Variants in SNTG1 observed in about 807,000 individuals in gnomAD.
SNTG1 encodes syntrophin gamma 1, also known as gamma-1-syntrophin.
Under a neutral mutation model 74.7 loss-of-function variants are expected in SNTG1, and 39 were observed. The observed-to-expected ratio is 0.52, with a 90% CI of 0.40 to 0.68. SNTG1 has a LOEUF of 0.68. SNTG1 is among the 30% of genes least tolerant of loss of function. SNTG1 has a pLI of 0.00. For synonymous variants in SNTG1, 254 were observed against 217.1 expected (o/e 1.17, Z -1.49); for missense variants, 685 against 609.5 (o/e 1.12, Z -1.30).
At chr8:50,302,693 T>C (rs1047891078) in intron 2 of SNTG1, among the ~76,000 whole-genome samples, 1 of 152,152 alleles carries the variant, frequency 6.6e-6, no homozygotes, top group African/African-American at 2.4e-5. Context: ...GCCTCCATTT[T>C]CTCTCTGTCT....
At chr8:50,131,794 C>T (rs751988369) in intron 1 of SNTG1, among the ~76,000 whole-genome samples, 13 of 152,096 alleles carry the variant, frequency 8.5e-5, no homozygotes, top group Admixed American at 2.6e-4. Flanking sequence ...TACCAATTTA[C>T]GTTTCCCACC....
chr8:50,570,952 T>C (rs1420031156), intron 12 of SNTG1, among the ~76,000 whole-genome samples: 1 of 152,014 alleles, frequency 6.6e-6, no homozygotes, highest in Non-Finnish European at 1.5e-5. Flanking sequence ...TCCATAGTAG[T>C]TGCACGAATT....
chr8:50,438,510 A>G (rs2093327595), intron 4 of SNTG1, 33 bp from the exon 5 acceptor site: 1 of 1,596,082 alleles, frequency 6.3e-7, no homozygotes, highest in African/African-American at 1.3e-5. Flanking sequence ...GTATTAGGAA[A>G]CACTAACCAT....
rs575624485 is a variant in SNTG1, at chr8:50,348,015, C to G, written c.-27-46197C>G. ...TTTTTACATACTGTAAGGTTGAGATCTATAGCCAATGTTTCTTTAATGATG... is the reference window on the plus strand; with the variant it reads ...TTTTTACATACTGTAAGGTTGAGATGTATAGCCAATGTTTCTTTAATGATG... On this transcript the variant is annotated intron_variant, in intron 2 of 18. Coordinates refer to ENST00000642720, the MANE Select transcript of SNTG1 (RefSeq NM_018967.5). 3.1e-4 allele frequency among the ~76,000 whole-genome samples: 47 copies of G among 152,182 alleles called. No individual in the cohort carries two copies. In the South Asian group the frequency reaches 9.3e-3, roughly 30 times the overall value.
intron 8 of SNTG1, among the ~76,000 whole-genome samples, chr8:50,471,440 G>A (rs1205295889): frequency 6.6e-6 from 1 of 151,966 alleles, no homozygotes; most frequent in Non-Finnish European, 1.5e-5. Flanking sequence ...TATTAGAATG[G>A]CTACAATTCA....
At chr8:50,576,112 T>C (rs2094575377) in intron 12 of SNTG1, among the ~76,000 whole-genome samples, 1 of 152,338 alleles carries the variant, frequency 6.6e-6, no homozygotes, top group South Asian at 2.1e-4. Flanking sequence ...CAAAAATGTT[T>C]TACAGCTTTA....
intron 1 of SNTG1, among the ~76,000 whole-genome samples, chr8:50,067,827 C>G (rs534188253): frequency 6.6e-6 from 1 of 152,236 alleles, no homozygotes; most frequent in Admixed American, 6.5e-5. Flanking sequence ...CACACAGACC[C>G]CTGTGTCTGC....
chr8:50,483,631 A>G (rs2093758737), intron 8 of SNTG1, among the ~76,000 whole-genome samples: 1 of 152,216 alleles, frequency 6.6e-6, no homozygotes. Flanking sequence ...TGACTCATGC[A>G]GTGGACGGAA....
intron 8 of SNTG1, among the ~76,000 whole-genome samples, chr8:50,468,477 T>C (rs1438638703): frequency 1.3e-5 from 2 of 152,154 alleles, no homozygotes; most frequent in African/African-American, 2.4e-5. Context: ...CCTTCATTAA[T>C]GTTAGCAAAG....
At chr8:50,759,147 G>T (rs377704387) in intron 18 of SNTG1, among the ~76,000 whole-genome samples, 1 of 151,922 alleles carries the variant, frequency 6.6e-6, no homozygotes, top group Non-Finnish European at 1.5e-5. Context: ...GCCAATTTTT[G>T]ATGGGGTTGT....
chr8:50,087,934 C>A lies in SNTG1; in HGVS notation c.-102-84627C>A, dbSNP rs1212821195. Among the ~76,000 whole-genome samples the A allele has an allele frequency of 1.4e-4, 15 of 110,008 alleles. No individual in the cohort carries two copies. The Admixed American group carries it at 1.6e-3, about 11-fold the overall frequency. 72.2% of individuals were successfully genotyped at this position (110,008 alleles called of 152,430 possible). The stretch of plus-strand genomic sequence containing the variant: ...CTCCCAATGTTATCCCTCCCCCCTC[C>A]CCCCACCCCACCACAGTCCCCAGAG... On this transcript the variant is annotated intron_variant, in intron 1 of 18. Transcript: ENST00000642720.
intron 2 of SNTG1, among the ~76,000 whole-genome samples, chr8:50,361,101 T>C (rs1446503525): frequency 6.6e-6 from 1 of 152,244 alleles, no homozygotes; most frequent in Non-Finnish European, 1.5e-5. Flanking sequence ...ATCCTTGTTC[T>C]ATAAGCTTTT....
intron 2 of SNTG1, among the ~76,000 whole-genome samples, chr8:50,222,680 T>C (rs1035541022): frequency 6.6e-6 from 1 of 152,114 alleles, no homozygotes; most frequent in African/African-American, 2.4e-5. Context: ...ATTGCCAAGG[T>C]AGTGACCAGC....
chr8:50,175,959 A>T (rs1319619103), intron 2 of SNTG1, among the ~76,000 whole-genome samples: 3 of 152,096 alleles, frequency 2.0e-5, no homozygotes, highest in Non-Finnish European at 4.4e-5. Flanking sequence ...AGCATGAGGA[A>T]CCCTGAGAGC....
At chr8:50,313,756 T>C (rs1264682424) in intron 2 of SNTG1, among the ~76,000 whole-genome samples, 2 of 149,912 alleles carry the variant, frequency 1.3e-5, no homozygotes, top group Non-Finnish European at 2.9e-5. Flanking sequence ...CTGGAGAACC[T>C]AAACAGACAT....
At position 50,792,855 on chromosome 8, in the gene SNTG1, C is replaced by T. The variant is rs907337656; in HGVS notation, c.*26C>T. The stretch of plus-strand genomic sequence containing the variant: ...CATACTGAACTCTTCATTGACACAC[C>T]CCATGACTGTATAAGCAGGACACAT... On this transcript the variant is annotated 3_prime_UTR_variant, in exon 19 of 19. Coordinates refer to ENST00000642720, the MANE Select transcript of SNTG1 (RefSeq NM_018967.5). 1 of 1,596,480 alleles carries T rather than the reference C, an allele frequency of 6.3e-7. No individual in the cohort carries two copies. Among genetic ancestry groups the T allele is most frequent in the African/African-American group, 1.3e-5 (1 of 74,448 alleles).
At chr8:50,774,325 C>A (rs1273072943) in intron 18 of SNTG1, among the ~76,000 whole-genome samples, 1 of 151,782 alleles carries the variant, frequency 6.6e-6, no homozygotes, top group Non-Finnish European at 1.5e-5. Context: ...GATTCACCAG[C>A]AAAAGGCCAG....
chr8:50,722,948 T>C (rs2095491322), intron 17 of SNTG1, among the ~76,000 whole-genome samples: 1 of 152,228 alleles, frequency 6.6e-6, no homozygotes, highest in Non-Finnish European at 1.5e-5. Flanking sequence ...CCATTAACAC[T>C]ATATGTAAAT....
intron 1 of SNTG1, among the ~76,000 whole-genome samples, chr8:50,158,344 G>A (rs1361535196): frequency 6.6e-6 from 1 of 152,072 alleles, no homozygotes; most frequent in East Asian, 1.9e-4. Flanking sequence ...TTGTACCCAT[G>A]TGCAAAGTAG....
Sources: gnomAD v4.1 joint callset for allele counts (sites outside exome capture counted in the v4.1 genomes callset) on GRCh38, gnomAD v4.1.1 for gene constraint, MANE v1.5 for transcripts, NCBI Gene and HGNC (gene_info 2026-07-23, HGNC 2026-07-21) for gene names.